DGCR2: variants seen among roughly 807,000 people sequenced by gnomAD.
DGCR2 encodes DiGeorge syndrome critical region gene 2, also known as integral membrane protein DGCR2/IDD.
DGCR2 carries 24 observed loss-of-function variants against 51.6 expected under a neutral mutation model. The observed-to-expected ratio is 0.47, with a 90% CI of 0.34 to 0.65. The LOEUF is 0.65. Among genes scored for constraint, DGCR2 ranks in the 30% least tolerant of loss-of-function variants. The pLI is 0.01. For missense variants in DGCR2, 765 were observed against 772.1 expected, an observed-to-expected ratio of 0.99 and a Z score of 0.11; for synonymous variants, 340 against 315.4, an observed-to-expected ratio of 1.08 and a Z score of -0.82.
chr22:19,115,155 A>G (rs904071764), intron 1 of DGCR2, among the ~76,000 whole-genome samples: 1 of 152,218 alleles, frequency 6.6e-6, no homozygotes, highest in African/African-American at 2.4e-5. Flanking sequence ...ACCAGAAACA[A>G]GCCCTGCACT....
rs964945811 is a variant in DGCR2, at chr22:19,122,376, T to C, written c.-170A>G. ...CCGCGGGCTGGCGCACACTCTCGGC[T>C]GCAACCTCAGGCACCGACTCCAGCT... On this transcript the variant is annotated 5_prime_UTR_variant, in exon 1 of 10. Transcript: ENST00000263196. 3 of 486,924 alleles carry C rather than the reference T, an allele frequency of 6.2e-6. No homozygotes were observed. The highest frequency in any genetic ancestry group is 7.5e-5 in the East Asian group (2 of 26,716). 30.2% of individuals were successfully genotyped at this position (486,924 alleles called of 1,614,324 possible).
At chr22:19,062,757 G>GCA (rs553634878) in intron 5 of DGCR2, among the ~76,000 whole-genome samples, 1 of 134,158 alleles carries the variant, frequency 7.5e-6, no homozygotes. Flanking sequence ...AAATCTTTGC[G>GCA]CACACACACA....
At chr22:19,086,060 A>G (rs1157882107) in intron 2 of DGCR2, among the ~76,000 whole-genome samples, 2 of 152,230 alleles carry the variant, frequency 1.3e-5, no homozygotes, top group African/African-American at 2.4e-5. Context: ...AAAATAAACT[A>G]GAAAAAAAAT....
At chr22:19,070,175 C>T (rs1041435104) in intron 2 of DGCR2, among the ~76,000 whole-genome samples, 2 of 152,184 alleles carry the variant, frequency 1.3e-5, no homozygotes. Flanking sequence ...GACCCACAGA[C>T]TCGCTGGTAG....
chr22:19,094,420 G>A (rs1338045799), intron 1 of DGCR2, among the ~76,000 whole-genome samples: 1 of 150,354 alleles, frequency 6.7e-6, no homozygotes, highest in Non-Finnish European at 1.5e-5. Context: ...ATGAGACTCC[G>A]TCTCAACAAA....
At chr22:19,066,807 C>T (rs1294962851) in intron 3 of DGCR2, among the ~76,000 whole-genome samples, 2 of 152,234 alleles carry the variant, frequency 1.3e-5, no homozygotes, top group Non-Finnish European at 2.9e-5. Flanking sequence ...GAAGTGCTGC[C>T]TGTTCAAAAC....
intron 6 of DGCR2, among the ~76,000 whole-genome samples, chr22:19,055,126 A>G (rs2082587855): frequency 6.6e-6 from 1 of 152,114 alleles, no homozygotes; most frequent in Non-Finnish European, 1.5e-5. Context: ...AAAAAACAAC[A>G]AAGAGTTTCA....
intron 7 of DGCR2, 74 bp downstream of exon 7, chr22:19,048,366 A>G: frequency 6.5e-7 from 1 of 1,533,560 alleles, no homozygotes; most frequent in Non-Finnish European, 9.0e-7. Context: ...CTCACCACTG[A>G]GGAAGCAAAG....
rs899327695 is a variant in DGCR2, at chr22:19,041,937, G to C, written c.1029C>G (p.Ser343=). The C allele has an allele frequency of 6.2e-7, 1 of 1,613,290 alleles. No individual in the cohort carries two copies. The stretch of plus-strand genomic sequence containing the variant: ...CGACCAGGCGCATCCCGCTGGCCAT[G>C]GAGTCAAACAGACTGTTGCCATCTG... ...LDPDGNSLFD[S]MASGMRLVVS... is the part of the protein sequence containing the mutation. The change falls in exon 8 of 10, where the codon TCC becomes TCG. Residue 343 remains serine (S), a synonymous_variant. Transcript: ENST00000263196.
chr22:19,077,632 T>C (rs2082892696), intron 2 of DGCR2, among the ~76,000 whole-genome samples: 1 of 152,196 alleles, frequency 6.6e-6, no homozygotes, highest in South Asian at 2.1e-4. Context: ...GGATTTCATA[T>C]TTCTTCTTCT....
chr22:19,115,866 G>A lies in DGCR2; in HGVS notation c.79+6262C>T, dbSNP rs1385323698. On this transcript the variant is annotated intron_variant, in intron 1 of 9. Transcript: ENST00000263196. ...CCACCTCCTGAGGGAGCTCTCTCCCGACCAATAAGCCCTGTGCACAAACCA... is the reference window on the plus strand; with the variant it reads ...CCACCTCCTGAGGGAGCTCTCTCCCAACCAATAAGCCCTGTGCACAAACCA... 3.9e-5 allele frequency among the ~76,000 whole-genome samples: 6 copies of A among 152,144 alleles called. 1 individual carries two copies. Among genetic ancestry groups the A allele is most frequent in the Non-Finnish European group, 7.4e-5 (5 of 68,022 alleles).
intron 1 of DGCR2, among the ~76,000 whole-genome samples, chr22:19,114,597 G>A (rs1454198050): frequency 2.0e-5 from 3 of 152,228 alleles, no homozygotes; most frequent in Admixed American, 6.5e-5. Flanking sequence ...CAGTGGCACC[G>A]GAGAGACCTC....
chr22:19,062,779 A>ATTCATTTTCTCT, intron 5 of DGCR2, among the ~76,000 whole-genome samples: 1 of 127,354 alleles, frequency 7.9e-6, no homozygotes, highest in Non-Finnish European at 1.8e-5. Flanking sequence ...ATGCATGCTC[A>ATTCATTTTCTCT]CTCTCTCTCT....
chr22:19,082,054 G>GTTT (rs1569068875), intron 2 of DGCR2, among the ~76,000 whole-genome samples: 1 of 116,462 alleles, frequency 8.6e-6, no homozygotes. Context: ...TGTTTTTTGG[G>GTTT]GTTTTTTTTG....
At chr22:19,101,471 T>C (rs1232749535) in intron 1 of DGCR2, among the ~76,000 whole-genome samples, 3 of 152,184 alleles carry the variant, frequency 2.0e-5, no homozygotes, top group African/African-American at 7.2e-5. Flanking sequence ...CCTGGCATGG[T>C]GGCTCATGCC....
rs373833072 is a variant in DGCR2, at chr22:19,068,117, T to A, written c.311A>T (p.Gln104Leu). 1.2e-4 allele frequency: 195 copies of A among 1,596,912 alleles called. No homozygotes were observed. The highest frequency in any genetic ancestry group is 1.6e-4 in the Non-Finnish European group (189 of 1,173,180). Residue 104 changes from glutamine (Q) to leucine (L), a missense_variant, in exon 3 of 10, where the codon CAG becomes CTG. Coordinates refer to ENST00000263196, the MANE Select transcript of DGCR2 (RefSeq NM_005137.3). ...PSHFHAVNVA[Q>L]PVRFSSFLGK... is the part of the protein sequence containing the mutation. ...CAACTTACTGCTGAAGCGAACGGGC[T>A]GCGCCACGTTCACCGCGTGGAAGTG...
chr22:19,115,526 G>A (rs550613372), intron 1 of DGCR2, among the ~76,000 whole-genome samples: 3 of 152,274 alleles, frequency 2.0e-5, no homozygotes, highest in Non-Finnish European at 4.4e-5. Flanking sequence ...CATCCTCCTC[G>A]CCACCCCCAC....
At chr22:19,066,331 G>C (rs2082748160) in intron 3 of DGCR2, among the ~76,000 whole-genome samples, 1 of 152,146 alleles carries the variant, frequency 6.6e-6, no homozygotes, top group Non-Finnish European at 1.5e-5. Context: ...AGCTCAAAAA[G>C]GCAGAGACTG....
At chr22:19,100,999 G>C (rs933308794) in intron 1 of DGCR2, among the ~76,000 whole-genome samples, 1 of 151,912 alleles carries the variant, frequency 6.6e-6, no homozygotes, top group African/African-American at 2.4e-5. Flanking sequence ...CCAGCTACTC[G>C]GGAGGCTGAA....
Sources: gnomAD v4.1 joint callset for allele counts (sites outside exome capture counted in the v4.1 genomes callset) on GRCh38, gnomAD v4.1.1 for gene constraint, MANE v1.5 for transcripts, NCBI Gene and HGNC (gene_info 2026-07-23, HGNC 2026-07-21) for gene names.